Variants in MAN1C1 observed in about 807,000 individuals in gnomAD.
The protein encoded by MAN1C1 is mannosyl-oligosaccharide 1,2-alpha-mannosidase IC.
Under a neutral mutation model 71.5 loss-of-function variants are expected in MAN1C1, and 49 were observed. The observed-to-expected ratio is 0.69, with a 90% CI of 0.54 to 0.87. The LOEUF (loss-of-function observed/expected upper bound fraction) is 0.87, where lower values mean the gene tolerates loss of function less well. Among genes scored for constraint, MAN1C1 ranks in the 40% least tolerant of loss-of-function variants. The pLI is 0.00. For synonymous variants in MAN1C1, 352 were observed against 343.7 expected, an observed-to-expected ratio of 1.02 and a Z score of -0.27; for missense variants, 743 against 835.0, an observed-to-expected ratio of 0.89 and a Z score of 1.36.
chr1:25,686,776 G>A (rs1011516459), intron 2 of MAN1C1, among the ~76,000 whole-genome samples: 3 of 152,112 alleles, frequency 2.0e-5, no homozygotes, highest in African/African-American at 7.2e-5. Context: ...TGAAATTATC[G>A]TTTATTTTTT....
At chr1:25,623,313 T>G (rs1191866253) in intron 1 of MAN1C1, among the ~76,000 whole-genome samples, 1 of 152,180 alleles carries the variant, frequency 6.6e-6, no homozygotes, top group Non-Finnish European at 1.5e-5. Flanking sequence ...AGTTGTACCA[T>G]TTGAGGGAAT....
At chr1:25,684,513 C>T (rs904278225) in intron 1 of MAN1C1, among the ~76,000 whole-genome samples, 1 of 152,212 alleles carries the variant, frequency 6.6e-6, no homozygotes, top group South Asian at 2.1e-4. Context: ...GACCACTTCT[C>T]ATCTCTGGGC....
At chr1:25,741,217 T>C (rs1452776328) in intron 2 of MAN1C1, among the ~76,000 whole-genome samples, 2 of 152,048 alleles carry the variant, frequency 1.3e-5, no homozygotes, top group African/African-American at 4.8e-5. Context: ...CCTGACCTCA[T>C]GATCCGCCTG....
intron 7 of MAN1C1, among the ~76,000 whole-genome samples, chr1:25,767,379 C>CCACA (rs143706023): frequency 1.1e-4 from 4 of 37,506 alleles, no homozygotes; most frequent in African/African-American, 4.8e-4. Flanking sequence ...CGTCCACACT[C>CCACA]CACACACACA....
At chr1:25,643,529 C>G (rs1054193831) in intron 1 of MAN1C1, among the ~76,000 whole-genome samples, 1 of 145,392 alleles carries the variant, frequency 6.9e-6, no homozygotes, top group African/African-American at 2.5e-5. Context: ...TCTCGGCCTC[C>G]CCAAGTGTTG....
At chr1:25,666,633 A>G (rs1388007865) in intron 1 of MAN1C1, among the ~76,000 whole-genome samples, 1 of 152,204 alleles carries the variant, frequency 6.6e-6, no homozygotes, top group African/African-American at 2.4e-5. Context: ...CACCACTGGC[A>G]GCTGAGCCGA....
intron 5 of MAN1C1, among the ~76,000 whole-genome samples, chr1:25,758,191 G>A (rs897578325): frequency 6.6e-6 from 1 of 152,324 alleles, no homozygotes; most frequent in Admixed American, 6.5e-5. Flanking sequence ...ACCACCAATG[G>A]TTGTGAGCCA....
intron 3 of MAN1C1, among the ~76,000 whole-genome samples, chr1:25,748,040 G>T (rs938332744): frequency 6.6e-6 from 1 of 152,184 alleles, no homozygotes; most frequent in Non-Finnish European, 1.5e-5. Context: ...GTTGGAGAAA[G>T]GTGGAGGAAG....
intron 5 of MAN1C1, among the ~76,000 whole-genome samples, chr1:25,754,586 T>A (rs1158892538): frequency 6.6e-6 from 1 of 151,932 alleles, no homozygotes; most frequent in Non-Finnish European, 1.5e-5. Context: ...GATGCCAGGG[T>A]TGACTCCTCA....
In MAN1C1 at chr1:25,778,473, C is replaced by T. The variant is rs1223695666; in HGVS notation, c.1477+149C>T. 1 of 773,372 alleles carries T rather than the reference C, an allele frequency of 1.3e-6. No homozygotes were observed. Among genetic ancestry groups the T allele is most frequent in the East Asian group, 2.8e-5 (1 of 36,360 alleles). The allele number at this position is 773,372 out of a possible 1,614,324, so 47.9% of individuals were successfully genotyped here. On this transcript the variant is annotated intron_variant, in intron 9 of 11. Transcript: ENST00000374332. This position sits in a 1 kb window ranked among gnomAD's most constrained non-coding sequence, Gnocchi z 5.5. The stretch of plus-strand genomic sequence containing the variant: ...AAGTAGAATTTGAGAGAGGTACTCT[C>T]CAGGCTCCGAGACCATACCCTGAAT...
chr1:25,664,697 C>T (rs1243926690), intron 1 of MAN1C1, among the ~76,000 whole-genome samples: 1 of 152,140 alleles, frequency 6.6e-6, no homozygotes, highest in Non-Finnish European at 1.5e-5. Flanking sequence ...TCTGTAAACT[C>T]TATTAGCAGA....
At chr1:25,721,534 C>A (rs543626344) in intron 2 of MAN1C1, among the ~76,000 whole-genome samples, 1 of 151,836 alleles carries the variant, frequency 6.6e-6, no homozygotes, top group East Asian at 1.9e-4. Context: ...TATTTTATTC[C>A]TTTTTGATGC....
chr1:25,686,332 G>A (rs1352536349), intron 1 of MAN1C1, 108 bp from the exon 2 acceptor site: 5 of 885,464 alleles, frequency 5.6e-6, no homozygotes, highest in African/African-American at 1.7e-5. Context: ...AATTTGGAAG[G>A]TTATCTTTTA....
intron 2 of MAN1C1, among the ~76,000 whole-genome samples, chr1:25,694,211 G>C (rs141871264): frequency 2.0e-5 from 3 of 152,126 alleles, no homozygotes; most frequent in African/African-American, 7.2e-5. Flanking sequence ...TTGACCTCTC[G>C]TCACAGAGTA....
chr1:25,685,219 A>G (rs1398417325), intron 1 of MAN1C1, among the ~76,000 whole-genome samples: 1 of 152,256 alleles, frequency 6.6e-6, no homozygotes, highest in Non-Finnish European at 1.5e-5. Context: ...TCCCTTGCTA[A>G]AGCAGATCTC....
rs2046892161 is a variant in MAN1C1, at chr1:25,730,369, A to G, written c.638-16299A>G. 1.3e-5 allele frequency among the ~76,000 whole-genome samples: 2 copies of G among 151,722 alleles called. No homozygotes were observed. The highest frequency in any genetic ancestry group is 6.6e-5 in the Admixed American group (1 of 15,246). Reference sequence around the variant, plus strand: ...TGTGAATTGACAAAAATGGATTACCATATATTTCTGAAAGCCACACTGCCA... The same window carrying G: ...TGTGAATTGACAAAAATGGATTACCGTATATTTCTGAAAGCCACACTGCCA... On this transcript the variant is annotated intron_variant, in intron 2 of 11. Coordinates refer to ENST00000374332, the MANE Select transcript of MAN1C1 (RefSeq NM_020379.4). The surrounding 1 kb of genome is among the most constrained non-coding windows in gnomAD (Gnocchi z 4.3).
chr1:25,625,378 T>C (rs1014682733), intron 1 of MAN1C1, among the ~76,000 whole-genome samples: 1 of 152,184 alleles, frequency 6.6e-6, no homozygotes, highest in African/African-American at 2.4e-5. Context: ...AGTTGTATCA[T>C]ATACAGAACA....
chr1:25,781,304 G>T (rs2047691493), intron 10 of MAN1C1, 192 bp downstream of exon 10: 2 of 617,632 alleles, frequency 3.2e-6, no homozygotes, highest in Non-Finnish European at 5.7e-6. Flanking sequence ...AAGTTGTCCT[G>T]AGACAGGACA....
Position 25,650,953 on chromosome 1 carries a change from T to C in MAN1C1, c.540+32616T>C, listed in dbSNP as rs181721303. 4.9e-3 allele frequency among the ~76,000 whole-genome samples: 747 copies of C among 152,338 alleles called. 3 individuals are homozygous for C. Among genetic ancestry groups the C allele is most frequent in the Non-Finnish European group, 9.1e-3 (619 of 68,032 alleles). ...TTATTGCTCTTATCCAGGCTTATTT[T>C]TAAACTTTTTTTTTTACTTATTCAT... is the stretch of plus-strand genomic sequence containing the variant. On this transcript the variant is annotated intron_variant, in intron 1 of 11. Transcript: ENST00000374332.
Sources: allele counts gnomAD v4.1 joint callset (sites outside exome capture counted in the v4.1 genomes callset), GRCh38; gene constraint gnomAD v4.1.1; non-coding constraint Gnocchi (gnomAD v3.1); transcripts MANE v1.5; gene names NCBI Gene and HGNC (gene_info 2026-07-23, HGNC 2026-07-21).